The following CHEK2 variants were observed in gnomAD, a reference collection of about 807,000 sequenced individuals.
CHEK2 encodes the protein serine/threonine-protein kinase Chk2.
A neutral mutation model predicts 69.1 loss-of-function variants in CHEK2; 71 were observed. The ratio of observed to expected loss-of-function variants is 1.03; its 90% CI spans 0.85 to 1.25. The LOEUF is 1.25. Among genes scored for constraint, CHEK2 ranks in the 50% most tolerant of loss-of-function variants. The pLI is 0.00. For synonymous variants in CHEK2, 189 were observed against 226.9 expected (o/e 0.83, Z 1.50); for missense variants, 664 against 649.6 (o/e 1.02, Z -0.24).
intron 6 of CHEK2, among the ~76,000 whole-genome samples, chr22:28,711,577 G>A (rs1439527828): frequency 6.6e-6 from 1 of 151,976 alleles, no homozygotes; most frequent in African/African-American, 2.4e-5. Flanking sequence ...GTTACAGTGG[G>A]GATTATGGCT....
chr22:28,730,034 G>A (rs941127555), intron 2 of CHEK2, among the ~76,000 whole-genome samples: 18 of 150,390 alleles, frequency 1.2e-4, no homozygotes, highest in Admixed American at 8.0e-4. Flanking sequence ...TAGTAGAGAC[G>A]GGGTTTCACC....
intron 11 of CHEK2, 52 bp downstream of exon 11, chr22:28,695,658 C>T (rs1334927345): frequency 4.3e-5 from 66 of 1,519,548 alleles, no homozygotes; most frequent in Non-Finnish European, 4.7e-5. Context: ...ACATTTGTGA[C>T]TTCATCTAAT....
intron 13 of CHEK2, among the ~76,000 whole-genome samples, chr22:28,692,959 T>C (rs941944455): frequency 2.0e-5 from 3 of 152,202 alleles, no homozygotes; most frequent in Non-Finnish European, 2.9e-5. Context: ...CTTCTTCCCC[T>C]TCCACCATGA....
intron 5 of CHEK2, among the ~76,000 whole-genome samples, chr22:28,716,658 T>A (rs1410653485): frequency 6.6e-6 from 1 of 152,226 alleles, no homozygotes; most frequent in Admixed American, 6.5e-5. Flanking sequence ...GGATGATTAT[T>A]TCCTTTTATG....
At chr22:28,697,936 A>G (rs1205874090) in intron 9 of CHEK2, among the ~76,000 whole-genome samples, 1 of 151,998 alleles carries the variant, frequency 6.6e-6, no homozygotes, top group Non-Finnish European at 1.5e-5. Context: ...TCATGTTAAT[A>G]TTCTTGGTTA....
rs1422471902 is a variant in CHEK2, at chr22:28,711,948, G to A, written c.753C>T (p.Ile251=). 5 of 1,613,796 alleles carry A rather than the reference G, an allele frequency of 3.1e-6. No homozygotes were observed. The highest frequency in any genetic ancestry group is 3.4e-6 in the Non-Finnish European group (4 of 1,179,948). ...KTCKKVAIKI[I]SKRKFAIGSA... is the part of the protein sequence containing the mutation. ...AACCAATAGCAAACTTCCTTTTGCT[G>A]ATGATCTTTATGGCTACTTTCTTAC... Residue 251 remains isoleucine, a synonymous_variant, in exon 6 of 15, where the codon ATC becomes ATT. Coordinates refer to ENST00000404276, the MANE Select transcript of CHEK2 (RefSeq NM_007194.4).
Position 28,724,991 on chromosome 22 carries a change from A to G in CHEK2, c.578T>C (p.Leu193Pro), listed in dbSNP as rs766599514. ...LNNNSEIALSLSRNKVFVFFD... is the reference protein window; with the variant it reads ...LNNNSEIALSPSRNKVFVFFD... ...AATAATATTACCTTTATTTCTGCTT[A>G]GTGACAGTGCAATTTCAGAATTGTT... The change falls in exon 4 of 15, where the codon CTA (leucine) becomes CCA (proline). Residue 193 changes from leucine to proline, a missense_variant. Leu to Pro is a moderately conservative substitution (Grantham distance 98). Transcript: ENST00000404276. The G allele has an allele frequency of 3.7e-6, 6 of 1,613,978 alleles. No homozygotes were observed. The South Asian group carries it at 4.4e-5, about 12-fold the overall frequency.
intron 9 of CHEK2, among the ~76,000 whole-genome samples, chr22:28,697,572 C>CTT (rs747898649): frequency 2.1e-5 from 3 of 145,314 alleles, no homozygotes; most frequent in African/African-American, 7.5e-5. Flanking sequence ...TTTCTTTTCT[C>CTT]TTTTTTTTTT....
At chr22:28,707,830 C>CTTTTTTT (rs11453597) in intron 7 of CHEK2, among the ~76,000 whole-genome samples, 17 of 102,456 alleles carry the variant, frequency 1.7e-4, no homozygotes, top group Admixed American at 3.7e-4. Context: ...TTGTGTTTAT[C>CTTTTTTT]TTTTTTTTTT....
chr22:28,717,354 G>A (rs146401150), intron 5 of CHEK2, among the ~76,000 whole-genome samples: 1,559 of 152,090 alleles, frequency 0.01, 22 homozygotes, highest in African/African-American at 0.036. Context: ...CTCCAGCCTG[G>A]GTGACAGAGC....
At chr22:28,739,140 C>G in intron 1 of CHEK2, among the ~76,000 whole-genome samples, 1 of 151,464 alleles carries the variant, frequency 6.6e-6, no homozygotes, top group East Asian at 2.0e-4. Context: ...CATGGTGGCC[C>G]GTGCCTGTAA....
At chr22:28,732,478 C>T (rs1234732208) in intron 2 of CHEK2, among the ~76,000 whole-genome samples, 1 of 152,072 alleles carries the variant, frequency 6.6e-6, no homozygotes, top group African/African-American at 2.4e-5. Context: ...AACTCCTGAC[C>T]TCAGGTGATC....
At chr22:28,706,705 G>T (rs955436298) in intron 7 of CHEK2, among the ~76,000 whole-genome samples, 4 of 152,184 alleles carry the variant, frequency 2.6e-5, no homozygotes, top group East Asian at 1.9e-4. Context: ...GATCACCTGA[G>T]GTCAGGAGTT....
chr22:28,702,262 G>T (rs540246961), intron 8 of CHEK2, among the ~76,000 whole-genome samples: 94 of 146,670 alleles, frequency 6.4e-4, no homozygotes, highest in African/African-American at 2.2e-3. Context: ...TTTTTGAAAC[G>T]GAGTCTCGCT....
chr22:28,730,077 T>TCA, intron 2 of CHEK2, among the ~76,000 whole-genome samples: 1 of 150,164 alleles, frequency 6.7e-6, no homozygotes, highest in Admixed American at 6.7e-5. Context: ...TCTCCTGACC[T>TCA]TGTGATCCGC....
intron 5 of CHEK2, among the ~76,000 whole-genome samples, chr22:28,717,821 T>C (rs1017474985): frequency 6.6e-6 from 1 of 151,908 alleles, no homozygotes; most frequent in Non-Finnish European, 1.5e-5. Context: ...AGAGGTTGCA[T>C]TGAGCTGAGA....
intron 13 of CHEK2, among the ~76,000 whole-genome samples, chr22:28,690,303 G>A (rs913183173): frequency 2.0e-5 from 3 of 152,122 alleles, no homozygotes; most frequent in African/African-American, 7.2e-5. Flanking sequence ...ACCAGCCTGG[G>A]CAACATAGTG....
At chr22:28,715,505 C>T (rs755231402) in intron 5 of CHEK2, among the ~76,000 whole-genome samples, 3 of 152,014 alleles carry the variant, frequency 2.0e-5, no homozygotes, top group South Asian at 2.1e-4. Flanking sequence ...CTGCAACCTC[C>T]GCCTCCTGGG....
intron 7 of CHEK2, among the ~76,000 whole-genome samples, chr22:28,704,299 T>A (rs934032430): frequency 1.3e-5 from 2 of 151,784 alleles, no homozygotes; most frequent in Non-Finnish European, 2.9e-5. Flanking sequence ...ATTTTTTTTT[T>A]AATTTTTCTT....
Sources: allele counts gnomAD v4.1 joint callset (sites outside exome capture counted in the v4.1 genomes callset), GRCh38; gene constraint gnomAD v4.1.1; transcripts MANE v1.5; gene names NCBI Gene and HGNC (gene_info 2026-07-23, HGNC 2026-07-21).